Variants in FBXO5 observed in about 807,000 individuals in gnomAD.
FBXO5 encodes the protein F-box only protein 5.
Under a neutral mutation model 43.3 loss-of-function variants are expected in FBXO5, and 8 were observed. The ratio of observed to expected loss-of-function variants is 0.18; its 90% CI spans 0.11 to 0.33. The LOEUF (loss-of-function observed/expected upper bound fraction) is 0.33, where lower values mean the gene tolerates loss of function less well. Among genes scored for constraint, FBXO5 ranks in the 10% least tolerant of loss-of-function variants. FBXO5 has a pLI of 1.00. For missense variants in FBXO5, 491 were observed against 535.7 expected (o/e 0.92, Z 0.82); for synonymous variants, 204 against 193.7 (o/e 1.05, Z -0.44).
Position 152,982,898 on chromosome 6 carries a change from G to T in FBXO5, c.62C>A (p.Pro21His), listed in dbSNP as rs761337242. The T allele has an allele frequency of 2.4e-5, 36 of 1,504,894 alleles. No homozygotes were observed. The Admixed American group carries it at 6.8e-4, about 28-fold the overall frequency. 93.2% of individuals were successfully genotyped at this position (1,504,894 alleles called of 1,614,324 possible). Residue 21 changes from proline (P) to histidine (H), a missense_variant, in exon 1 of 5, where the codon CCC becomes CAC. By Grantham distance (77) the Pro-to-His change is moderately conservative. Transcript: ENST00000229758. ...RPPRCSCSAS[P>H]SAVTAAGRPR... ...GCGCCCGGCGGCTGTCACTGCGCTG[G>T]GGCTGGCGCTGCAGGAGCAGCGGGG... is the stretch of plus-strand genomic sequence containing the variant.
At chr6:152,983,235 G>C (rs977265050), upstream of FBXO5, 1 of 343,032 alleles carries the variant, frequency 2.9e-6, no homozygotes, top group Non-Finnish European at 5.3e-6. Flanking sequence ...CCAGCTTACC[G>C]GCTCCCCACG....
Position 152,975,150 on chromosome 6 carries a change from A to G in FBXO5, c.575T>C (p.Leu192Pro). ...CACTTTTTCAAAATGAAGAACTGGC[A>G]GCAAGTTTTTGTTGGGATATTGGTC... ...SPDQYPNKNL[L>P]PVLHFEKVVC... Residue 192 changes from leucine (L) to proline (P), a missense_variant, in exon 2 of 5, where the codon CTG (leucine) becomes CCG (proline). Leu to Pro is a moderately conservative substitution (Grantham distance 98, BLOSUM62 -3). Transcript: ENST00000229758. The G allele has an allele frequency of 6.2e-7, 1 of 1,614,206 alleles. No homozygotes were observed. Among genetic ancestry groups the G allele is most frequent in the Non-Finnish European group, 8.5e-7 (1 of 1,180,040 alleles).
Position 152,975,335 on chromosome 6 carries a change from T to C in FBXO5, c.390A>G (p.Thr130=), listed in dbSNP as rs762346272. The C allele has an allele frequency of 1.9e-6, 3 of 1,614,206 alleles. No individual in the cohort carries two copies. The highest frequency in any genetic ancestry group is 4.5e-5 in the East Asian group (2 of 44,888). Residue 130 remains threonine, a synonymous_variant, in exon 2 of 5, where the codon ACA becomes ACG. Coordinates refer to ENST00000229758, the MANE Select transcript of FBXO5 (RefSeq NM_012177.5). ...NQHVQQTLNS[T]NEIEALETSR... is the part of the protein sequence containing the mutation. ...TGGTCTCTAGTGCTTCTATTTCATT[T>C]GTACTATTAAGTGTCTGTTGCACAT...
intron 1 of FBXO5, among the ~76,000 whole-genome samples, chr6:152,981,529 C>G (rs1218630781): frequency 1.3e-5 from 2 of 152,098 alleles, no homozygotes; most frequent in African/African-American, 4.8e-5. Context: ...CCTTTGAAAA[C>G]TACTTGGAAG....
At chr6:152,983,548 A>C (rs1778302849), upstream of FBXO5, 1 of 150,540 alleles carries the variant, frequency 6.6e-6, no homozygotes, top group Non-Finnish European at 1.5e-5. Context: ...CCCTCCCCCC[A>C]GTCCAGCTTA....
At chr6:152,982,498 A>T (rs1778278090) in intron 1 of FBXO5, among the ~76,000 whole-genome samples, 1 of 150,538 alleles carries the variant, frequency 6.6e-6, no homozygotes, top group African/African-American at 2.5e-5. Context: ...GGGGGAGGGG[A>T]GGGGCATTTG....
intron 2 of FBXO5, among the ~76,000 whole-genome samples, chr6:152,974,598 T>G (rs544077783): frequency 1.8e-4 from 27 of 152,214 alleles, no homozygotes; most frequent in Non-Finnish European, 3.2e-4. Flanking sequence ...ATTGTAAGGT[T>G]ATCTACAACA....
chr6:152,973,019 CT>C, intron 3 of FBXO5, 26 bp downstream of exon 3: 1 of 1,589,114 alleles, frequency 6.3e-7, no homozygotes, highest in East Asian at 2.2e-5. Context: ...GCATTTTTAA[CT>C]AAAAACATCA....
chr6:152,973,103 G>T lies in FBXO5; in HGVS notation c.852C>A (p.Ile284=). Residue 284 remains isoleucine, a synonymous_variant, in exon 3 of 5, where the codon ATC becomes ATA. Coordinates refer to ENST00000229758, the MANE Select transcript of FBXO5 (RefSeq NM_012177.5). ...GGAATGCCCCCTTATCATCTTCTAG[G>T]ATCTTCTTCCAAGTTGTGCTCACTT... ...VSKVSTTWKK[I]LEDDKGAFQL... 1.2e-6 allele frequency: 2 copies of T among 1,613,808 alleles called. No homozygotes were observed. Among genetic ancestry groups the T allele is most frequent in the Non-Finnish European group, 1.7e-6 (2 of 1,179,878 alleles).
chr6:152,975,135 A>C lies in FBXO5; in HGVS notation c.590T>G (p.Phe197Cys). 3 of 1,614,168 alleles carry C rather than the reference A, an allele frequency of 1.9e-6. No homozygotes were observed. The highest frequency in any genetic ancestry group is 1.7e-6 in the Non-Finnish European group (2 of 1,180,020). Residue 197 changes from phenylalanine to cysteine, a missense_variant, in exon 2 of 5, where the codon TTT (phenylalanine) becomes TGT (cysteine). By Grantham distance (205) the Phe-to-Cys change is radical. Transcript: ENST00000229758. Reference protein sequence around the residue: ...PNKNLLPVLHFEKVVCSTLKK... With the variant: ...PNKNLLPVLHCEKVVCSTLKK... Reference sequence around the variant, plus strand: ...TAATGTTGAACAAACCACTTTTTCAAAATGAAGAACTGGCAGCAAGTTTTT... The same window carrying C: ...TAATGTTGAACAAACCACTTTTTCACAATGAAGAACTGGCAGCAAGTTTTT...
intron 1 of FBXO5, among the ~76,000 whole-genome samples, chr6:152,978,731 T>C (rs1778213794): frequency 1.3e-5 from 2 of 152,170 alleles, no homozygotes; most frequent in South Asian, 4.1e-4. Context: ...CTCATGCCTA[T>C]AATCCCAACA....
intron 2 of FBXO5, among the ~76,000 whole-genome samples, chr6:152,974,581 AAAC>A (rs1255080790): frequency 1.3e-5 from 2 of 152,352 alleles, no homozygotes; most frequent in East Asian, 3.9e-4. Flanking sequence ...TACCGCAATT[AAAC>A]AACATTGTAA....
intron 2 of FBXO5, among the ~76,000 whole-genome samples, chr6:152,974,201 T>C (rs1456804447): frequency 6.6e-6 from 1 of 151,088 alleles, no homozygotes; most frequent in Non-Finnish European, 1.5e-5. Flanking sequence ...AGTGAAACCC[T>C]GTCTCAAAAA....
rs746227583 is a variant in FBXO5, at chr6:152,973,029, C to G, written c.909+17G>C. On this transcript the variant is annotated intron_variant, in intron 3 of 4. Coordinates refer to ENST00000229758, the MANE Select transcript of FBXO5 (RefSeq NM_012177.5). Reference sequence around the variant, plus strand: ...ACAGTGCATTTTTAACTAAAAACATCATCTGCAAACACTTACGGTAACTCT... The same window carrying G: ...ACAGTGCATTTTTAACTAAAAACATGATCTGCAAACACTTACGGTAACTCT... 1.2e-6 allele frequency: 2 copies of G among 1,602,378 alleles called. No individual in the cohort carries two copies. Among genetic ancestry groups the G allele is most frequent in the Non-Finnish European group, 8.5e-7 (1 of 1,169,694 alleles).
chr6:152,975,507 G>A lies in FBXO5; in HGVS notation c.218C>T (p.Ser73Phe), dbSNP rs1028807969. The A allele has an allele frequency of 6.2e-7, 1 of 1,613,922 alleles. No homozygotes were observed. Among genetic ancestry groups the A allele is most frequent in the Non-Finnish European group, 8.5e-7 (1 of 1,179,964 alleles). ...VKPDDIGRLVSYTPAYLEGSC... is the reference protein window; with the variant it reads ...VKPDDIGRLVFYTPAYLEGSC... ...ACCTTCCAAATATGCAGGGGTGTAG[G>A]AAACTAGTCTTCCAATGTCATCAGG... is the stretch of plus-strand genomic sequence containing the variant. The change falls in exon 2 of 5, where the codon TCC becomes TTC. Residue 73 changes from serine (S) to phenylalanine (F), a missense_variant. Coordinates refer to ENST00000229758, the MANE Select transcript of FBXO5 (RefSeq NM_012177.5).
chr6:152,983,288 G>A (rs900508925), upstream of FBXO5: 3 of 260,022 alleles, frequency 1.2e-5, no homozygotes, highest in Non-Finnish European at 2.2e-5. Flanking sequence ...TCCGAGCACG[G>A]GGAGGCCGCG....
chr6:152,973,200 G>A (rs1315880379), intron 2 of FBXO5, 64 bp from the exon 3 acceptor site: 2 of 1,291,292 alleles, frequency 1.5e-6, no homozygotes, highest in African/African-American at 1.5e-5. Context: ...GATGAATACA[G>A]TAGAAAAACA....
intron 1 of FBXO5, 29 bp from the exon 2 acceptor site, chr6:152,975,650 T>A: frequency 6.9e-7 from 1 of 1,455,882 alleles, no homozygotes; most frequent in Non-Finnish European, 9.2e-7. Context: ...ATTTACATCT[T>A]AATGGCAAAA....
chr6:152,982,864 G>C lies in FBXO5; in HGVS notation c.96C>G (p.Pro32=). The change falls in exon 1 of 5, where the codon CCC becomes CCG. Residue 32 remains proline (P), a synonymous_variant. Coordinates refer to ENST00000229758, the MANE Select transcript of FBXO5 (RefSeq NM_012177.5). ...ACCGCTCCCCTCACTCACTATCCGA[G>C]GGTCGAGGGCGCCCGGCGGCTGTCA... ...SAVTAAGRPR[P]SDSCKEESST... 1.7e-5 allele frequency: 25 copies of C among 1,510,114 alleles called. No individual in the cohort carries two copies. Among genetic ancestry groups the C allele is most frequent in the Non-Finnish European group, 2.1e-5 (24 of 1,135,972 alleles). The allele number at this position is 1,510,114 out of a possible 1,614,324, so 93.5% of individuals were successfully genotyped here.
Sources: allele counts gnomAD v4.1 joint callset (sites outside exome capture counted in the v4.1 genomes callset), GRCh38; gene constraint gnomAD v4.1.1; transcripts MANE v1.5; gene names NCBI Gene and HGNC (gene_info 2026-07-23, HGNC 2026-07-21).